Variants in SP140 observed in about 807,000 individuals in gnomAD.
SP140 encodes the protein SP140 nuclear body protein, also known as nuclear body protein SP140.
A neutral mutation model predicts 125.0 loss-of-function variants in SP140; 81 were observed. The observed-to-expected ratio is 0.65, with a 90% CI of 0.54 to 0.78. The LOEUF (loss-of-function observed/expected upper bound fraction) is 0.78. SP140 is among the 30% of genes least tolerant of loss of function. The probability of loss-of-function intolerance (pLI) is 0.00; values close to 1 mark genes in which losing one functional copy is unlikely to be tolerated. For synonymous variants in SP140, 312 were observed against 354.0 expected, an observed-to-expected ratio of 0.88 and a Z score of 1.33; for missense variants, 858 against 1,037.0, an observed-to-expected ratio of 0.83 and a Z score of 2.37.
In SP140 at chr2:230,267,520, C is replaced by G. The variant is rs529394538; in HGVS notation, c.1241-2012C>G. Among the ~76,000 whole-genome samples, 26 of 152,204 alleles carry G rather than the reference C, an allele frequency of 1.7e-4. No individual in the cohort carries two copies. The South Asian group carries it at 4.1e-3, about 24-fold the overall frequency. ...GATTTTTTTCTCTTCTTTTATAGACCTACTTGTCAAATGTGTTACTTACTT... is the reference window on the plus strand; with the variant it reads ...GATTTTTTTCTCTTCTTTTATAGACGTACTTGTCAAATGTGTTACTTACTT... On this transcript the variant is annotated intron_variant, in intron 12 of 26. Transcript: ENST00000392045.
intron 7 of SP140, 44 bp from the exon 8 acceptor site, chr2:230,247,872 T>C: frequency 6.3e-7 from 1 of 1,590,750 alleles, no homozygotes; most frequent in Non-Finnish European, 8.6e-7. Flanking sequence ...TGAAATTATA[T>C]GGAAATTACA....
At chr2:230,271,996 C>T (rs1333754484) in intron 15 of SP140, among the ~76,000 whole-genome samples, 1 of 152,130 alleles carries the variant, frequency 6.6e-6, no homozygotes, top group East Asian at 1.9e-4. Flanking sequence ...CCTAGGAATA[C>T]AGCTAATTAG....
intron 3 of SP140, among the ~76,000 whole-genome samples, chr2:230,219,085 C>T (rs367840292): frequency 4.6e-5 from 7 of 152,200 alleles, no homozygotes; most frequent in Non-Finnish European, 5.9e-5. Flanking sequence ...ATTAGCTGGG[C>T]GTGGTGGTGC....
intron 12 of SP140, among the ~76,000 whole-genome samples, chr2:230,260,975 A>G (rs1306600224): frequency 6.6e-6 from 1 of 152,098 alleles, no homozygotes; most frequent in Non-Finnish European, 1.5e-5. Flanking sequence ...AATTCTGTGA[A>G]GAAGATGGTG....
Position 230,241,456 on chromosome 2 carries a change from T to C in SP140, c.459T>C (p.Asp153=), listed in dbSNP as rs1270033081. 3 of 1,589,602 alleles carry C rather than the reference T, an allele frequency of 1.9e-6. No individual in the cohort carries two copies. The highest frequency in any genetic ancestry group is 1.1e-5 in the South Asian group (1 of 90,532). The change falls in exon 4 of 27, where the codon GAT becomes GAC. Residue 153 remains aspartate (D), a synonymous_variant. Coordinates refer to ENST00000392045, the MANE Select transcript of SP140 (RefSeq NM_007237.5). ...LQMNNVNDLE[D]RPRLLPYGKQ... ...TGAATAATGTAAACGATTTAGAAGA[T>C]AGACCCAGATTACTACCATATGGTA...
At chr2:230,298,022 G>C (rs1446722883) in intron 22 of SP140, among the ~76,000 whole-genome samples, 1 of 152,150 alleles carries the variant, frequency 6.6e-6, no homozygotes, top group Admixed American at 6.5e-5. Context: ...AGCTCATTTG[G>C]ATGGTTTCAG....
At chr2:230,282,072 G>T (rs1015119196) in intron 15 of SP140, among the ~76,000 whole-genome samples, 1 of 152,122 alleles carries the variant, frequency 6.6e-6, no homozygotes, top group Non-Finnish European at 1.5e-5. Flanking sequence ...ATTATAAGGG[G>T]ACCAATAGCA....
At chr2:230,265,376 C>T (rs1208071554) in intron 12 of SP140, among the ~76,000 whole-genome samples, 1 of 152,184 alleles carries the variant, frequency 6.6e-6, no homozygotes, top group African/African-American at 2.4e-5. Flanking sequence ...AGGCTATCTG[C>T]CTCCCAGCTG....
chr2:230,260,554 T>G (rs1479565640), intron 12 of SP140, among the ~76,000 whole-genome samples: 1 of 152,250 alleles, frequency 6.6e-6, no homozygotes, highest in Non-Finnish European at 1.5e-5. Context: ...GATGTTATCT[T>G]CCAGAATTTT....
intron 5 of SP140, among the ~76,000 whole-genome samples, chr2:230,244,603 A>C (rs1336096709): frequency 1.3e-5 from 2 of 152,188 alleles, no homozygotes; most frequent in Non-Finnish European, 2.9e-5. Flanking sequence ...GTAAGATTGG[A>C]ATCTGCCATG....
At chr2:230,209,728 AC>A (rs1207219496) in intron 1 of SP140, among the ~76,000 whole-genome samples, 1 of 152,112 alleles carries the variant, frequency 6.6e-6, no homozygotes, top group East Asian at 1.9e-4. Context: ...ATATTTCAAT[AC>A]CCCCAAATGC....
chr2:230,248,163 T>G, intron 8 of SP140, 98 bp downstream of exon 8: 1 of 1,157,694 alleles, frequency 8.6e-7, no homozygotes. Context: ...ACAGTCTCTA[T>G]CAGATTACTG....
In SP140 at chr2:230,262,236, A is replaced by G. The variant is rs554586002; in HGVS notation, c.1240+6704A>G. Among the ~76,000 whole-genome samples the G allele has an allele frequency of 9.2e-5, 14 of 152,288 alleles. No homozygotes were observed. The South Asian group carries it at 2.9e-3, about 32-fold the overall frequency. ...CTTCTATGTTTTCTAGTTTATGTAC[A>G]TAAAGGTATTCATAGTAACCTTGAA... On this transcript the variant is annotated intron_variant, in intron 12 of 26. Coordinates refer to ENST00000392045, the MANE Select transcript of SP140 (RefSeq NM_007237.5).
chr2:230,307,675 C>T (rs373217627), intron 22 of SP140, among the ~76,000 whole-genome samples: 21 of 152,222 alleles, frequency 1.4e-4, no homozygotes, highest in Admixed American at 2.0e-4. Context: ...AGTGGCTGGA[C>T]CCCATGCTTG....
chr2:230,239,150 A>T (rs529967897), intron 3 of SP140: 1 of 854,936 alleles, frequency 1.2e-6, no homozygotes, highest in African/African-American at 1.7e-5. Context: ...AAAAAGAGGT[A>T]TCTTGTTTTC....
Position 230,287,486 on chromosome 2 carries a change from G to A in SP140, c.1646-406G>A, listed in dbSNP as rs2056535854. ...GAATATTTTAGTTTCTGTAATGACGGTAATCATCATTTTGATCTTGCAAAG... is the reference window on the plus strand; with the variant it reads ...GAATATTTTAGTTTCTGTAATGACGATAATCATCATTTTGATCTTGCAAAG... On this transcript the variant is annotated intron_variant, in intron 17 of 26. Transcript: ENST00000392045. Among the ~76,000 whole-genome samples the A allele has an allele frequency of 1.3e-5, 2 of 152,104 alleles. 1 individual carries two copies. The highest frequency in any genetic ancestry group is 3.9e-4 in the East Asian group (2 of 5,194).
the SP140 span, among the ~76,000 whole-genome samples, chr2:230,196,862 G>A: frequency 6.6e-6 from 1 of 152,144 alleles, no homozygotes; most frequent in South Asian, 2.1e-4. Context: ...TCCCTACAAA[G>A]GACATGAACT....
At position 230,267,670 on chromosome 2, in the gene SP140, G is replaced by C. The variant is rs559357805; in HGVS notation, c.1241-1862G>C. ...ATACAGAGGAAGTGAACATTTTGTCGGGGAGATTATGGCTTTGGCAAAGAC... is the reference window on the plus strand; with the variant it reads ...ATACAGAGGAAGTGAACATTTTGTCCGGGAGATTATGGCTTTGGCAAAGAC... On this transcript the variant is annotated intron_variant, in intron 12 of 26. Coordinates refer to ENST00000392045, the MANE Select transcript of SP140 (RefSeq NM_007237.5). Among the ~76,000 whole-genome samples the C allele has an allele frequency of 5.3e-5, 8 of 152,194 alleles. No individual in the cohort carries two copies. In the East Asian group the frequency reaches 1.5e-3, roughly 29 times the overall value.
Position 230,269,565 on chromosome 2 carries a change from A to G in SP140, c.1274A>G (p.Glu425Gly). 6.2e-7 allele frequency: 1 copy of G among 1,608,012 alleles called. No homozygotes were observed. Among genetic ancestry groups the G allele is most frequent in the South Asian group, 1.1e-5 (1 of 90,528 alleles). The change falls in exon 13 of 27, where the codon GAA becomes GGA. Residue 425 changes from glutamate to glycine, a missense_variant. Glu to Gly is a moderately conservative substitution (Grantham distance 98, BLOSUM62 -2). Coordinates refer to ENST00000392045, the MANE Select transcript of SP140 (RefSeq NM_007237.5). ...SSELENHPMN[E>G]EGESEELASS... ...GAACTAGAAAATCACCCAATGAATG[A>G]AGAAGGAGAATCAGAAGAGCTTGCT...
Sources: gnomAD v4.1 joint callset for allele counts (sites outside exome capture counted in the v4.1 genomes callset) on GRCh38, gnomAD v4.1.1 for gene constraint, MANE v1.5 for transcripts, NCBI Gene and HGNC (gene_info 2026-07-23, HGNC 2026-07-21) for gene names.